Variants in KIF19 observed in about 807,000 individuals in gnomAD.
The protein encoded by KIF19 is kinesin-like protein KIF19.
In KIF19, 98 loss-of-function variants were observed where a neutral mutation model predicts 106.6. The ratio of observed to expected loss-of-function variants is 0.92; its 90% CI spans 0.78 to 1.09. The LOEUF (loss-of-function observed/expected upper bound fraction) is 1.09. Ranked by LOEUF, KIF19 falls within the 50% of genes least tolerant of loss-of-function variation. KIF19 has a pLI of 0.00. For missense variants in KIF19, 1,373 were observed against 1,414.3 expected, an observed-to-expected ratio of 0.97 and a Z score of 0.47; for synonymous variants, 516 against 584.2, an observed-to-expected ratio of 0.88 and a Z score of 1.68.
rs9909082 is a variant in KIF19 at position 74,337,238 on chromosome 17, G to A, written c.121-4638G>A. On this transcript the variant is annotated intron_variant, in intron 2 of 19. Coordinates refer to ENST00000389916, the MANE Select transcript of KIF19 (RefSeq NM_153209.4). ...TAAACGAAAGCTTTATTCAGCAAACGTCTCTTGGACATCTGCTGTGTGCCA... is the reference window on the plus strand; with the variant it reads ...TAAACGAAAGCTTTATTCAGCAAACATCTCTTGGACATCTGCTGTGTGCCA... 6.0e-3 allele frequency among the ~76,000 whole-genome samples: 914 copies of A among 151,860 alleles called. 9 individuals carry two copies. The highest frequency in any genetic ancestry group is 0.021 in the African/African-American group (889 of 41,422).
At chr17:74,327,693 G>A (rs1400729477) in intron 1 of KIF19, among the ~76,000 whole-genome samples, 1 of 152,116 alleles carries the variant, frequency 6.6e-6, no homozygotes, top group South Asian at 2.1e-4. Flanking sequence ...GGCTGGTCTC[G>A]AACTCCTGAC....
chr17:74,333,583 A>G (rs1482229989), intron 2 of KIF19, among the ~76,000 whole-genome samples: 2 of 151,382 alleles, frequency 1.3e-5, no homozygotes, highest in East Asian at 3.9e-4. Context: ...CTGGTCTCGA[A>G]CTCCTGACTT....
chr17:74,342,759 C>A, intron 4 of KIF19, 42 bp downstream of exon 4: 1 of 1,547,174 alleles, frequency 6.5e-7, no homozygotes, highest in Non-Finnish European at 8.9e-7. Context: ...CCGCAATGCC[C>A]CTGTAATCCC....
At chr17:74,337,472 G>A (rs998579783) in intron 2 of KIF19, among the ~76,000 whole-genome samples, 2 of 152,122 alleles carry the variant, frequency 1.3e-5, no homozygotes, top group Non-Finnish European at 2.9e-5. Flanking sequence ...CTCTCTTCCC[G>A]ACCCAGTGTT....
rs1004297298 is a variant in KIF19 at position 74,326,245 on chromosome 17, G to T, written c.-105G>T. The T allele has an allele frequency of 2.6e-4, 274 of 1,072,354 alleles. 2 individuals are homozygous for T. Among genetic ancestry groups the T allele is most frequent in the Admixed American group, 1.1e-3 (43 of 38,046 alleles). 66.4% of individuals were successfully genotyped at this position (1,072,354 alleles called of 1,614,324 possible). A position where few individuals can be genotyped will look rare whatever the true frequency, so the allele number is the denominator to read the frequency against. ...GGTTTCGGGTTGTCAGGCAGCGCGC[G>T]AGGCGGCGGGCAGCTAGCAGCTGGC... On this transcript the variant is annotated 5_prime_UTR_variant, in exon 1 of 20. Transcript: ENST00000389916.
At chr17:74,342,557 C>T in intron 3 of KIF19, 73 bp from the exon 4 acceptor site, 1 of 1,156,306 alleles carries the variant, frequency 8.6e-7, no homozygotes, top group Non-Finnish European at 1.3e-6. Context: ...TATCAGAGGT[C>T]AGGAAGAGCC....
Position 74,343,131 on chromosome 17 carries a change from G to T in KIF19, c.427G>T (p.Glu143Ter). 1 of 1,613,060 alleles carries T rather than the reference G, an allele frequency of 6.2e-7. No homozygotes were observed. Among genetic ancestry groups the T allele is most frequent in the Non-Finnish European group, 8.5e-7 (1 of 1,179,796 alleles). ...RAIEETSNDM[E>*]YEVSMSYLEI... ...CATCGAGGAGACCAGCAATGACATG[G>T]AGTATGAGGTCTCCATGTCCTACCT... is the stretch of plus-strand genomic sequence containing the variant. Residue 143 changes from glutamate (E) to a stop codon, truncating the protein, a stop_gained, in exon 5 of 20, where the codon GAG becomes TAG. Coordinates refer to ENST00000389916, the MANE Select transcript of KIF19 (RefSeq NM_153209.4). LOFTEE classifies it high-confidence loss of function.
chr17:74,328,666 G>A, intron 2 of KIF19, 161 bp downstream of exon 2: 1 of 595,396 alleles, frequency 1.7e-6, no homozygotes. Flanking sequence ...AAGGAAGCTG[G>A]GGGCTCTTCT....
In KIF19 at chr17:74,342,731, C is replaced by A. The variant is rs2054415260; in HGVS notation, c.319+14C>A. ...ATGGCCCCACAGGTAAGGGGAATGC[C>A]CAGACTGTGGGCGAGGACCGCAATG... On this transcript the variant is annotated intron_variant, in intron 4 of 19. Transcript: ENST00000389916. 2.5e-6 allele frequency: 4 copies of A among 1,610,082 alleles called. No individual in the cohort carries two copies. In the South Asian group the frequency reaches 4.4e-5, roughly 18 times the overall value.
At chr17:74,353,092 G>A in intron 15 of KIF19, 104 bp from the exon 16 acceptor site, 1 of 1,395,138 alleles carries the variant, frequency 7.2e-7, no homozygotes, top group Admixed American at 2.0e-5. Context: ...AGGACTCCTG[G>A]GTTCTCTCTC....
At chr17:74,344,392 A>G in intron 6 of KIF19, 44 bp downstream of exon 6, 1 of 1,598,402 alleles carries the variant, frequency 6.3e-7, no homozygotes, top group Non-Finnish European at 8.5e-7. Context: ...GAGGAAGCTC[A>G]CCGCCTGAGG....
At chr17:74,352,771 G>T (rs757587993) in intron 14 of KIF19, 50 bp from the exon 15 acceptor site, 4 of 1,610,106 alleles carry the variant, frequency 2.5e-6, no homozygotes, top group South Asian at 2.2e-5. Context: ...GTGCTGATTT[G>T]GTCCAGGACC....
intron 17 of KIF19, 69 bp downstream of exon 17, chr17:74,353,650 A>C: frequency 1.5e-6 from 2 of 1,319,700 alleles, no homozygotes; most frequent in South Asian, 1.2e-5. Flanking sequence ...CACCCAGCTC[A>C]AAGCCCTTTC....
At position 74,355,590 on chromosome 17, in the gene KIF19, A is replaced by C; in HGVS notation, c.*278A>C. 3.0e-6 allele frequency: 1 copy of C among 333,648 alleles called. No homozygotes were observed. Among genetic ancestry groups the C allele is most frequent in the Non-Finnish European group, 5.4e-6 (1 of 186,064 alleles). 20.7% of individuals were successfully genotyped at this position (333,648 alleles called of 1,614,324 possible). A position where few individuals can be genotyped will look rare whatever the true frequency, so the allele number is the denominator to read the frequency against. On this transcript the variant is annotated 3_prime_UTR_variant, in exon 20 of 20. Transcript: ENST00000389916. The stretch of plus-strand genomic sequence containing the variant: ...AGAATGCTGTTGCCAAAACCTGCAC[A>C]GCCCTGAGGCCAGCCTCGGCCTTGG...
intron 15 of KIF19, 62 bp from the exon 16 acceptor site, chr17:74,353,134 G>T: frequency 6.8e-7 from 1 of 1,460,922 alleles, no homozygotes; most frequent in East Asian, 2.4e-5. Context: ...CCCTGGGGTG[G>T]GGGTGGGACC....
intron 17 of KIF19, among the ~76,000 whole-genome samples, chr17:74,353,906 C>T (rs1214051913): frequency 1.3e-5 from 2 of 152,180 alleles, no homozygotes; most frequent in Non-Finnish European, 2.9e-5. Flanking sequence ...TCAATGTCTG[C>T]CCCCTGGATA....
chr17:74,352,345 G>A lies in KIF19; in HGVS notation c.1980+5G>A, dbSNP rs2054739634. The A allele has an allele frequency of 6.2e-7, 1 of 1,603,730 alleles. No homozygotes were observed. The highest frequency in any genetic ancestry group is 1.1e-5 in the South Asian group (1 of 89,550). On this transcript the variant is annotated splice_donor_5th_base_variant and intron_variant, in intron 14 of 19. Coordinates refer to ENST00000389916, the MANE Select transcript of KIF19 (RefSeq NM_153209.4). ...GTGGCCTCCAGGGCCCTGCAGGTGG[G>A]TGGGCGCCTGGGCGGCCTGAACATG...
chr17:74,343,293 A>C, intron 5 of KIF19, 133 bp downstream of exon 5: 1 of 917,794 alleles, frequency 1.1e-6, no homozygotes. Flanking sequence ...CAAACATCGC[A>C]GGCTCATCAG....
chr17:74,328,510 G>GC lies in KIF19; in HGVS notation c.120+6dup, dbSNP rs11412158. 0.42 allele frequency: 665,507 copies of GC among 1,599,882 alleles called. 145,967 individuals carry two copies. Among genetic ancestry groups the GC allele is most frequent in the Non-Finnish European group, 0.46 (536,254 of 1,173,484 alleles). Reference sequence around the variant, plus strand: ...GCCCATAAAGTGGATGAGCAGGTATGCAGGGCTCTGCAGCAGGAGCTGCAG... The same window carrying GC: ...GCCCATAAAGTGGATGAGCAGGTATGCCAGGGCTCTGCAGCAGGAGCTGCAG... On this transcript the variant is annotated splice_donor_region_variant and intron_variant, in intron 2 of 19. Transcript: ENST00000389916.
Sources: gnomAD v4.1 joint callset for allele counts (sites outside exome capture counted in the v4.1 genomes callset) on GRCh38, gnomAD v4.1.1 for gene constraint, MANE v1.5 for transcripts, NCBI Gene and HGNC (gene_info 2026-07-23, HGNC 2026-07-21) for gene names.